MYOM1: variants seen among roughly 807,000 people sequenced by gnomAD.
MYOM1 encodes the protein myomesin-1.
A neutral mutation model predicts 205.3 loss-of-function variants in MYOM1; 164 were observed. The observed-to-expected ratio is 0.80, with a 90% CI of 0.70 to 0.91. The LOEUF (loss-of-function observed/expected upper bound fraction) is 0.91, where lower values mean the gene tolerates loss of function less well. MYOM1 is among the 40% of genes least tolerant of loss of function. MYOM1 has a pLI of 0.00. For missense variants in MYOM1, 2,011 were observed against 2,127.3 expected (o/e 0.95, Z 1.08); for synonymous variants, 772 against 789.4 (o/e 0.98, Z 0.37).
In MYOM1 at chr18:3,188,086, T is replaced by G. The variant is rs565203746; in HGVS notation, c.772-449A>C. ...TCGAACTCCTGTCCTCAAGTAATTCTCCTGCCTTGGCCTCCCAAAACTGGG... is the reference window on the plus strand; with the variant it reads ...TCGAACTCCTGTCCTCAAGTAATTCGCCTGCCTTGGCCTCCCAAAACTGGG... On this transcript the variant is annotated intron_variant, in intron 4 of 37. Transcript: ENST00000356443. Among the ~76,000 whole-genome samples the G allele has an allele frequency of 4.9e-3, 738 of 152,090 alleles. 7 individuals are homozygous for G. Among genetic ancestry groups the G allele is most frequent in the African/African-American group, 0.017 (698 of 41,488 alleles).
chr18:3,116,214 GA>G, intron 21 of MYOM1, 116 bp downstream of exon 21: 1 of 1,074,998 alleles, frequency 9.3e-7, no homozygotes, highest in Non-Finnish European at 1.3e-6. Context: ...ATCTTACCAG[GA>G]GCCCAATATA....
chr18:3,153,194 C>T (rs1338444191), intron 11 of MYOM1, among the ~76,000 whole-genome samples: 4 of 152,224 alleles, frequency 2.6e-5, no homozygotes, highest in African/African-American at 9.6e-5. Context: ...AGGTGGAACT[C>T]ACTGCTCCTG....
intron 21 of MYOM1, among the ~76,000 whole-genome samples, chr18:3,116,012 G>A (rs548833695): frequency 2.0e-5 from 3 of 152,318 alleles, no homozygotes; most frequent in East Asian, 3.9e-4. Flanking sequence ...ACCTTTTGGG[G>A]ATGGTAAGCA....
intron 24 of MYOM1, 52 bp from the exon 25 acceptor site, chr18:3,100,255 C>T: frequency 1.2e-6 from 2 of 1,612,954 alleles, no homozygotes; most frequent in Non-Finnish European, 1.7e-6. Context: ...AAATAAAAGT[C>T]ACTTAAGAAT....
At chr18:3,113,109 G>C (rs1047012301) in intron 21 of MYOM1, among the ~76,000 whole-genome samples, 19 of 151,264 alleles carry the variant, frequency 1.3e-4, no homozygotes, top group Non-Finnish European at 2.5e-4. Flanking sequence ...CACTAAACTA[G>C]AATTACTAAG....
At chr18:3,102,378 T>C (rs1291256666) in intron 23 of MYOM1, 96 bp downstream of exon 23, 8 of 1,178,260 alleles carry the variant, frequency 6.8e-6, no homozygotes, top group South Asian at 1.8e-5. Flanking sequence ...AGTGACTTCA[T>C]CCTCTTATTC....
At chr18:3,177,445 C>CATTATT (rs138933689) in intron 5 of MYOM1, among the ~76,000 whole-genome samples, 29,413 of 138,966 alleles carry the variant, frequency 0.21, 3,269 homozygotes, top group African/African-American at 0.26. Context: ...GAAGCAATAT[C>CATTATT]ATTATTATTA....
chr18:3,165,502 G>A (rs2080455108), intron 9 of MYOM1, among the ~76,000 whole-genome samples: 1 of 151,886 alleles, frequency 6.6e-6, no homozygotes, highest in Admixed American at 6.6e-5. Context: ...TCCATCAAAT[G>A]CTACAATCTT....
At chr18:3,136,149 G>A (rs143998833) in intron 14 of MYOM1, among the ~76,000 whole-genome samples, 5,620 of 152,008 alleles carry the variant, frequency 0.037, 237 homozygotes, top group African/African-American at 0.099. Context: ...CGTGTAAGAC[G>A]TGCCTTTCGC....
chr18:3,082,039 A>C (rs1456490864), intron 33 of MYOM1, among the ~76,000 whole-genome samples: 2 of 152,218 alleles, frequency 1.3e-5, no homozygotes, highest in African/African-American at 4.8e-5. Flanking sequence ...ATTTATCATC[A>C]GATTCTTATA....
intron 2 of MYOM1, among the ~76,000 whole-genome samples, chr18:3,194,737 CAT>C (rs1362255971): frequency 2.0e-5 from 3 of 151,990 alleles, no homozygotes; most frequent in Non-Finnish European, 4.4e-5. Flanking sequence ...TTCATACAAA[CAT>C]AAACAATTTG....
intron 1 of MYOM1, 142 bp from the exon 2 acceptor site, chr18:3,215,393 G>T: frequency 2.8e-6 from 2 of 709,326 alleles, no homozygotes; most frequent in Non-Finnish European, 4.5e-6. Context: ...ATCTCTCGAG[G>T]CCGGGAGCTC....
rs557196865 is a variant in MYOM1 at position 3,208,166 on chromosome 18, T to C, written c.290+6768A>G. ...GAAGTTGGAGCAGGAGGCTGATACA[T>C]AGAAAGGACCATTCTCCTTGGATTT... On this transcript the variant is annotated intron_variant, in intron 2 of 37. Coordinates refer to ENST00000356443, the MANE Select transcript of MYOM1 (RefSeq NM_003803.4). Among the ~76,000 whole-genome samples the C allele has an allele frequency of 2.6e-5, 4 of 152,282 alleles. No individual in the cohort carries two copies. In the South Asian group the frequency reaches 8.3e-4, roughly 32 times the overall value.
intron 33 of MYOM1, among the ~76,000 whole-genome samples, chr18:3,079,825 T>C (rs1425510885): frequency 2.0e-5 from 3 of 152,206 alleles, no homozygotes; most frequent in Non-Finnish European, 4.4e-5. Context: ...GTTAGAAAGC[T>C]ATTTAAAACA....
intron 37 of MYOM1, among the ~76,000 whole-genome samples, chr18:3,070,736 TTGTGTG>T (rs57044157): frequency 0.046 from 6,684 of 146,110 alleles, 456 homozygotes; most frequent in African/African-American, 0.15. Context: ...TGCATGTTCT[TTGTGTG>T]TGTGTGTGTG....
intron 17 of MYOM1, among the ~76,000 whole-genome samples, chr18:3,129,783 G>A (rs554213801): frequency 6.6e-6 from 1 of 152,218 alleles, no homozygotes; most frequent in Non-Finnish European, 1.5e-5. Flanking sequence ...GAACCATTTC[G>A]ATTTGCAGAA....
Position 3,071,987 on chromosome 18 carries a change from C to T in MYOM1, c.4709-98G>A, listed in dbSNP as rs2078963473. Reference sequence around the variant, plus strand: ...GAAGCTACATTTCCAATTTAGTTTCCTTCTCCTGATAGTTCTTTTATACAG... The same window carrying T: ...GAAGCTACATTTCCAATTTAGTTTCTTTCTCCTGATAGTTCTTTTATACAG... On this transcript the variant is annotated intron_variant, in intron 36 of 37. Transcript: ENST00000356443. 3.9e-6 allele frequency: 4 copies of T among 1,019,138 alleles called. No homozygotes were observed. The East Asian group carries it at 1.0e-4, about 27-fold the overall frequency. 63.1% of individuals were successfully genotyped at this position (1,019,138 alleles called of 1,614,324 possible).
At chr18:3,097,218 T>A (rs1393371370) in intron 25 of MYOM1, among the ~76,000 whole-genome samples, 1 of 152,184 alleles carries the variant, frequency 6.6e-6, no homozygotes, top group East Asian at 1.9e-4. Context: ...GAAGTGGGTA[T>A]GAATCAAGAA....
At chr18:3,198,318 A>C (rs1384786390) in intron 2 of MYOM1, among the ~76,000 whole-genome samples, 1 of 152,212 alleles carries the variant, frequency 6.6e-6, no homozygotes, top group African/African-American at 2.4e-5. Flanking sequence ...TGTGCCACCA[A>C]AGCCAGCATC....
Sources: allele counts gnomAD v4.1 joint callset (sites outside exome capture counted in the v4.1 genomes callset), GRCh38; gene constraint gnomAD v4.1.1; transcripts MANE v1.5; gene names NCBI Gene and HGNC (gene_info 2026-07-23, HGNC 2026-07-21).